Variants in SPTLC3 observed in about 807,000 individuals in gnomAD.
SPTLC3 encodes the protein serine palmitoyltransferase long chain base subunit 3, also known as serine palmitoyltransferase 3.
A neutral mutation model predicts 59.3 loss-of-function variants in SPTLC3; 36 were observed. The ratio of observed to expected loss-of-function variants is 0.61; its 90% CI spans 0.47 to 0.80. The LOEUF is 0.80. Among genes scored for constraint, SPTLC3 ranks in the 30% least tolerant of loss-of-function variants. The probability of loss-of-function intolerance (pLI) is 0.00; values close to 1 mark genes in which losing one functional copy is unlikely to be tolerated. For synonymous variants in SPTLC3, 257 were observed against 240.8 expected (o/e 1.07, Z -0.62); for missense variants, 625 against 685.1 (o/e 0.91, Z 0.98).
rs533687420 is a variant in SPTLC3, at chr20:13,134,018, C to T, written c.1279+7301C>T. On this transcript the variant is annotated intron_variant, in intron 9 of 11. Transcript: ENST00000399002. ...AAGGAATGAATCTCCAGGTTGGCCA[C>T]GCTCAAACTGTGAACACACATTCAG... 2.1e-4 allele frequency among the ~76,000 whole-genome samples: 32 copies of T among 152,290 alleles called. No individual in the cohort carries two copies. In the East Asian group the frequency reaches 4.1e-3, roughly 19 times the overall value.
intron 1 of SPTLC3, among the ~76,000 whole-genome samples, chr20:13,027,484 G>A (rs184004652): frequency 5.3e-5 from 8 of 151,848 alleles, no homozygotes; most frequent in South Asian, 2.1e-4. Context: ...ACACAGACAC[G>A]CCGACTCTAC....
rs950397005 is a variant in SPTLC3, at chr20:13,049,067, A to G, written c.240A>G (p.Arg80=). The change falls in exon 2 of 12, where the codon AGA becomes AGG. Residue 80 remains arginine (R), a synonymous_variant. Transcript: ENST00000399002. The part of the protein sequence containing the change: ...YGIGTLFGYL[R]DFLRNWGIEK... ...TTGGAACCCTGTTTGGCTATCTCAG[A>G]GACTTTTTAAGAAACTGGGGAATAG... 1.1e-5 allele frequency: 18 copies of G among 1,613,916 alleles called. No individual in the cohort carries two copies. In the East Asian group the frequency reaches 4.0e-4, roughly 36 times the overall value.
chr20:13,126,036 C>A (rs2037981449), intron 8 of SPTLC3, among the ~76,000 whole-genome samples: 1 of 152,092 alleles, frequency 6.6e-6, no homozygotes, highest in African/African-American at 2.4e-5. Flanking sequence ...TCTTTTCCCC[C>A]TTAATTATCT....
At chr20:13,065,265 GTTTT>G (rs34809007) in intron 2 of SPTLC3, among the ~76,000 whole-genome samples, 1 of 138,234 alleles carries the variant, frequency 7.2e-6, no homozygotes, top group Non-Finnish European at 1.5e-5. Flanking sequence ...ATTTGTTAGA[GTTTT>G]TTTTTTTTTT....
intron 7 of SPTLC3, among the ~76,000 whole-genome samples, chr20:13,115,002 T>C (rs1268428471): frequency 1.3e-5 from 2 of 152,224 alleles, no homozygotes; most frequent in African/African-American, 4.8e-5. Context: ...AGCTTCAAAT[T>C]AACTCGTGGA....
chr20:13,122,019 G>T (rs1038457101), intron 8 of SPTLC3, among the ~76,000 whole-genome samples: 1 of 152,166 alleles, frequency 6.6e-6, no homozygotes, highest in Non-Finnish European at 1.5e-5. Context: ...TCTGATCTTT[G>T]TCAGTGATGG....
chr20:13,060,452 T>A (rs1263875053), intron 2 of SPTLC3, among the ~76,000 whole-genome samples: 2 of 114,432 alleles, frequency 1.7e-5, no homozygotes, highest in South Asian at 4.4e-4. Context: ...ATTTTTTAAT[T>A]TTTTTTATTT....
At chr20:13,153,054 A>T (rs1200136414) in intron 9 of SPTLC3, among the ~76,000 whole-genome samples, 1 of 152,222 alleles carries the variant, frequency 6.6e-6, no homozygotes, top group Non-Finnish European at 1.5e-5. Context: ...GTAGTGGCAC[A>T]TTCCTGCCGA....
Position 13,165,231 on chromosome 20 carries a change from G to C in SPTLC3, c.*364G>C, listed in dbSNP as rs768505525. On this transcript the variant is annotated 3_prime_UTR_variant, in exon 12 of 12. Transcript: ENST00000399002. ...TGAGAGAATTTAAAATTTTTATTCAGTAAGTTCACTATGTGTTTACTTATT... is the reference window on the plus strand; with the variant it reads ...TGAGAGAATTTAAAATTTTTATTCACTAAGTTCACTATGTGTTTACTTATT... 2.4e-4 allele frequency: 45 copies of C among 184,218 alleles called. No individual in the cohort carries two copies. Among genetic ancestry groups the C allele is most frequent in the Non-Finnish European group, 4.1e-4 (36 of 87,034 alleles). The allele number at this position is 184,218 out of a possible 1,614,324, so 11.4% of individuals were successfully genotyped here.
At chr20:13,148,297 T>G (rs1029112722) in intron 9 of SPTLC3, among the ~76,000 whole-genome samples, 3 of 152,186 alleles carry the variant, frequency 2.0e-5, no homozygotes, top group Non-Finnish European at 4.4e-5. Context: ...GTTAAAGTAT[T>G]TGTGGCCTCC....
intron 2 of SPTLC3, among the ~76,000 whole-genome samples, chr20:13,058,045 A>C (rs1049851482): frequency 6.6e-6 from 1 of 152,236 alleles, no homozygotes; most frequent in African/African-American, 2.4e-5. Context: ...TTCTGTGTTC[A>C]CATTAAATCC....
At chr20:13,061,495 G>T (rs764400447) in intron 2 of SPTLC3, among the ~76,000 whole-genome samples, 1 of 152,118 alleles carries the variant, frequency 6.6e-6, no homozygotes, top group Admixed American at 6.6e-5. Context: ...CTGTGCGCTA[G>T]CTCACAGTCA....
intron 2 of SPTLC3, among the ~76,000 whole-genome samples, chr20:13,058,379 CA>C (rs35078399): frequency 0.034 from 5,158 of 152,162 alleles, 285 homozygotes; most frequent in African/African-American, 0.12. Flanking sequence ...GATCCGAACC[CA>C]AAGTTTCATT....
intron 6 of SPTLC3, among the ~76,000 whole-genome samples, chr20:13,096,605 T>G (rs1047035409): frequency 6.6e-6 from 1 of 152,098 alleles, no homozygotes; most frequent in African/African-American, 2.4e-5. Context: ...TAATCTATGA[T>G]GATAGAAATT....
In SPTLC3 at chr20:13,168,981, T is replaced by G. The variant is rs1052038; in HGVS notation, c.*4114T>G. On this transcript the variant is annotated 3_prime_UTR_variant, in exon 12 of 12. Coordinates refer to ENST00000399002, the MANE Select transcript of SPTLC3 (RefSeq NM_018327.4). ...TGTGTGTGTGTGTGTGCATGTGTCT[T>G]TGTGTGTGTGAGAAGGACAGAGAGA... The G allele has an allele frequency of 0.49, 73,486 of 149,878 alleles. 17,918 individuals are homozygous for G. The highest frequency in any genetic ancestry group is 0.63 in the East Asian group (3,266 of 5,158). The allele number at this position is 149,878 out of a possible 1,614,324, so 9.3% of individuals were successfully genotyped here.
chr20:13,009,387 A>G lies in SPTLC3; in HGVS notation c.117+3A>G. The G allele has an allele frequency of 6.2e-7, 1 of 1,610,710 alleles. No homozygotes were observed. The highest frequency in any genetic ancestry group is 1.3e-5 in the African/African-American group (1 of 74,972). On this transcript the variant is annotated splice_donor_region_variant and intron_variant, in intron 1 of 11. Transcript: ENST00000399002. ...ATGGAATAGTGAAGGAAGCCCAGGT[A>G]AGAGGCACTCTCCCCTACTCTTCTC...
chr20:13,081,213 G>T (rs1988832116), intron 4 of SPTLC3, among the ~76,000 whole-genome samples: 1 of 152,184 alleles, frequency 6.6e-6, no homozygotes, highest in South Asian at 2.1e-4. Flanking sequence ...GTGGGCTGAT[G>T]CAAACTTACC....
At chr20:13,054,057 C>T (rs6078905) in intron 2 of SPTLC3, among the ~76,000 whole-genome samples, 94,032 of 151,968 alleles carry the variant, frequency 0.62, 29,530 homozygotes, top group Admixed American at 0.66. Flanking sequence ...GGGATCTAGA[C>T]GCTGATGAAT....
intron 2 of SPTLC3, among the ~76,000 whole-genome samples, chr20:13,051,602 A>G (rs992971325): frequency 2.6e-5 from 4 of 152,242 alleles, no homozygotes; most frequent in Non-Finnish European, 5.9e-5. Context: ...ACAGATATAT[A>G]CAGAACATTT....
Sources: gnomAD v4.1 joint callset for allele counts (sites outside exome capture counted in the v4.1 genomes callset) on GRCh38, gnomAD v4.1.1 for gene constraint, MANE v1.5 for transcripts, NCBI Gene and HGNC (gene_info 2026-07-23, HGNC 2026-07-21) for gene names.